The following TPST1 variants were observed in gnomAD, a reference collection of about 807,000 sequenced individuals.
TPST1 encodes protein-tyrosine sulfotransferase 1.
TPST1 carries 20 observed loss-of-function variants against 34.8 expected under a neutral mutation model. The ratio of observed to expected loss-of-function variants is 0.57; its 90% CI spans 0.40 to 0.84. TPST1 has a LOEUF of 0.84. Ranked by LOEUF, TPST1 falls within the 40% of genes least tolerant of loss-of-function variation. The pLI is 0.00. For missense variants in TPST1, 353 were observed against 455.5 expected (o/e 0.78, Z 2.05); for synonymous variants, 152 against 159.4 (o/e 0.95, Z 0.35).
chr7:66,343,810 T>C (rs1030736930), intron 3 of TPST1, among the ~76,000 whole-genome samples: 1 of 152,218 alleles, frequency 6.6e-6, no homozygotes, highest in African/African-American at 2.4e-5. Context: ...CAGCGATTTT[T>C]GGAATAATCA....
intron 1 of TPST1, among the ~76,000 whole-genome samples, chr7:66,227,331 C>G (rs1789680496): frequency 6.6e-6 from 1 of 151,838 alleles, no homozygotes; most frequent in Admixed American, 6.6e-5. Flanking sequence ...GCGCCCAGCC[C>G]AAAATAAGCC....
At chr7:66,307,989 A>G (rs1434344476) in intron 3 of TPST1, among the ~76,000 whole-genome samples, 2 of 152,204 alleles carry the variant, frequency 1.3e-5, no homozygotes, top group African/African-American at 2.4e-5. Flanking sequence ...TCTTACCACA[A>G]GTTTCCCAAC....
rs141843717 is a variant in TPST1 at position 66,217,535 on chromosome 7, T to C, written c.-102+12013T>C. Among the ~76,000 whole-genome samples the C allele has an allele frequency of 7.6e-3, 1,157 of 152,316 alleles. 18 individuals are homozygous for C. The highest frequency in any genetic ancestry group is 0.026 in the African/African-American group (1,089 of 41,560). On this transcript the variant is annotated intron_variant, in intron 1 of 5. Coordinates refer to ENST00000304842, the MANE Select transcript of TPST1 (RefSeq NM_003596.4). ...TGTTTGCATGATATATCTTTTCCCT[T>C]TGTTTTGCTTTCAGCCTGTTTGGTC...
At chr7:66,256,698 A>C (rs1340992444) in intron 2 of TPST1, among the ~76,000 whole-genome samples, 1 of 152,228 alleles carries the variant, frequency 6.6e-6, no homozygotes, top group African/African-American at 2.4e-5. Context: ...TCCTAGGCCC[A>C]GCTAAAATCA....
intron 3 of TPST1, among the ~76,000 whole-genome samples, chr7:66,303,666 T>C (rs1004454098): frequency 6.6e-6 from 1 of 152,092 alleles, no homozygotes; most frequent in Admixed American, 6.6e-5. Context: ...CACCTTGGCC[T>C]CTCAAAGTGC....
rs530059951 is a variant in TPST1 at position 66,213,000 on chromosome 7, C to T, written c.-102+7478C>T. On this transcript the variant is annotated intron_variant, in intron 1 of 5. Transcript: ENST00000304842. The stretch of plus-strand genomic sequence containing the variant: ...ACTGCTTTAGAGGTTTTTTCTTTGT[C>T]TTTAGTTTTCAGAAGTTAAATTATG... 2.6e-5 allele frequency among the ~76,000 whole-genome samples: 4 copies of T among 152,066 alleles called. No homozygotes were observed. In the South Asian group the frequency reaches 8.3e-4, roughly 32 times the overall value.
At chr7:66,312,282 G>A (rs1483474376) in intron 3 of TPST1, among the ~76,000 whole-genome samples, 2 of 152,168 alleles carry the variant, frequency 1.3e-5, no homozygotes, top group African/African-American at 4.8e-5. Context: ...AAGAGGTTTA[G>A]TTGGATAGCT....
At chr7:66,256,403 T>C (rs1218297094) in intron 2 of TPST1, among the ~76,000 whole-genome samples, 2 of 152,222 alleles carry the variant, frequency 1.3e-5, no homozygotes, top group East Asian at 3.8e-4. Context: ...GGACACAGCA[T>C]AGCTGGATCT....
intron 3 of TPST1, among the ~76,000 whole-genome samples, chr7:66,327,105 G>C (rs1351831329): frequency 6.6e-6 from 1 of 152,094 alleles, no homozygotes; most frequent in Non-Finnish European, 1.5e-5. Flanking sequence ...TATCTGGCTG[G>C]AGTTATTTGT....
intron 2 of TPST1, among the ~76,000 whole-genome samples, chr7:66,278,559 C>T (rs909587088): frequency 6.6e-6 from 1 of 152,010 alleles, no homozygotes; most frequent in Non-Finnish European, 1.5e-5. Flanking sequence ...TCGAGGTGGG[C>T]GGATCACGAG....
upstream of TPST1, among the ~76,000 whole-genome samples, chr7:66,203,182 T>TAC (rs910644937): frequency 4.6e-5 from 7 of 151,666 alleles, no homozygotes; most frequent in East Asian, 3.9e-4. Context: ...CACACATATA[T>TAC]ACACACACAC....
intron 1 of TPST1, among the ~76,000 whole-genome samples, chr7:66,218,096 C>G (rs1274976442): frequency 6.6e-6 from 1 of 151,724 alleles, no homozygotes; most frequent in Non-Finnish European, 1.5e-5. Context: ...TCAGGCTGGT[C>G]TCAAACCCCT....
the TPST1 span, among the ~76,000 whole-genome samples, chr7:66,200,092 G>A: frequency 6.6e-6 from 1 of 152,182 alleles, no homozygotes. Context: ...GGAGGACAAT[G>A]CTGCCTTTTC....
intron 1 of TPST1, among the ~76,000 whole-genome samples, chr7:66,207,855 T>A (rs554964095): frequency 6.6e-6 from 1 of 152,332 alleles, no homozygotes; most frequent in East Asian, 1.9e-4. Flanking sequence ...CATTACTATT[T>A]TAAGATCTTT....
chr7:66,308,077 A>G (rs570863345), intron 3 of TPST1, among the ~76,000 whole-genome samples: 9 of 152,328 alleles, frequency 5.9e-5, no homozygotes, highest in Non-Finnish European at 1.2e-4. Flanking sequence ...ATTTATAGCC[A>G]TCACTCCTTT....
intron 3 of TPST1, among the ~76,000 whole-genome samples, chr7:66,320,756 G>A (rs1429274136): frequency 6.6e-6 from 1 of 151,454 alleles, no homozygotes; most frequent in Non-Finnish European, 1.5e-5. Flanking sequence ...GTGCCACCAC[G>A]CCCGGCTAAT....
intron 5 of TPST1, among the ~76,000 whole-genome samples, chr7:66,358,097 T>C (rs1232265779): frequency 6.6e-6 from 1 of 150,526 alleles, no homozygotes; most frequent in East Asian, 2.0e-4. Context: ...AAAAAAAAAA[T>C]TGGCTGGGCG....
At chr7:66,317,700 C>A (rs1418020722) in intron 3 of TPST1, among the ~76,000 whole-genome samples, 2 of 151,306 alleles carry the variant, frequency 1.3e-5, no homozygotes, top group Non-Finnish European at 2.9e-5. Flanking sequence ...GGATTGCAGA[C>A]CTATTGTCCC....
chr7:66,238,904 C>CAT (rs1175853315), intron 1 of TPST1, among the ~76,000 whole-genome samples: 1 of 152,234 alleles, frequency 6.6e-6, no homozygotes, highest in Non-Finnish European at 1.5e-5. Context: ...CCAGCTGTTT[C>CAT]ATATACATGC....
Sources: gnomAD v4.1 joint callset for allele counts (sites outside exome capture counted in the v4.1 genomes callset) on GRCh38, gnomAD v4.1.1 for gene constraint, MANE v1.5 for transcripts, NCBI Gene and HGNC (gene_info 2026-07-23, HGNC 2026-07-21) for gene names.